Variants in LOC128071544 observed in about 807,000 individuals in gnomAD.
the LOC128071544 span, chr1:147,611,782 A>G: frequency 6.4e-7 from 1 of 1,574,734 alleles, no homozygotes; most frequent in Non-Finnish European, 8.7e-7. Flanking sequence ...CTGCAACCCG[A>G]GAGGAACTCG....
chr1:147,611,745 T>C, the LOC128071544 span: 1 of 1,287,818 alleles, frequency 7.8e-7, no homozygotes, highest in Non-Finnish European at 1.1e-6. Context: ...AGTGGGCCAG[T>C]GCCACTGCCC....
At chr1:147,611,721 C>T in the LOC128071544 span, 19 of 969,316 alleles carry the variant, frequency 2.0e-5, no homozygotes, top group African/African-American at 6.4e-5. Context: ...CGCTAAGGGA[C>T]GCACCCAGCA....
chr1:147,611,617 G>A, the LOC128071544 span: 3 of 566,298 alleles, frequency 5.3e-6, no homozygotes, highest in East Asian at 2.8e-5. Context: ...GGCAGCAGGA[G>A]GCACGCACCC....
the LOC128071544 span, chr1:147,611,792 G>C: frequency 3.1e-6 from 5 of 1,596,058 alleles, no homozygotes; most frequent in Non-Finnish European, 4.3e-6. Context: ...AGAGGAACTC[G>C]GTGAGCCTGT....
chr1:147,611,711 C>T, the LOC128071544 span: 12 of 850,716 alleles, frequency 1.4e-5, no homozygotes, highest in East Asian at 9.8e-5. Flanking sequence ...AGGCAGCGAG[C>T]GCTAAGGGAC....
At chr1:147,611,748 C>A in the LOC128071544 span, 2 of 1,333,266 alleles carry the variant, frequency 1.5e-6, no homozygotes, top group African/African-American at 1.4e-5. Context: ...GGGCCAGTGC[C>A]ACTGCCCCCA....
chr1:147,611,636 C>G, the LOC128071544 span: 1 of 581,826 alleles, frequency 1.7e-6, no homozygotes. Context: ...CCAGAGAATG[C>G]TGGAGCTGCA....
the LOC128071544 span, chr1:147,611,696 C>T: frequency 2.8e-6 from 2 of 715,756 alleles, no homozygotes; most frequent in African/African-American, 1.8e-5. Flanking sequence ...AGGAAAAAGG[C>T]ATACAGGCAG....
chr1:147,611,598 T>G, the LOC128071544 span: 1 of 546,456 alleles, frequency 1.8e-6, no homozygotes, highest in African/African-American at 1.9e-5. Flanking sequence ...AGATGCGAGA[T>G]TTTCCTCTGG....
the LOC128071544 span, chr1:147,611,780 C>T: frequency 8.2e-5 from 129 of 1,568,694 alleles, no homozygotes; most frequent in Admixed American, 1.2e-4. Flanking sequence ...TGCTGCAACC[C>T]GAGAGGAACT....
the LOC128071544 span, chr1:147,611,650 G>T: frequency 1.7e-6 from 1 of 597,292 alleles, no homozygotes. Context: ...AGCTGCAAGG[G>T]GAAAGGACCC....
the LOC128071544 span, chr1:147,611,680 A>G: frequency 4.4e-5 from 29 of 651,762 alleles, no homozygotes; most frequent in South Asian, 5.7e-4. Flanking sequence ...GCAGAGAAAA[A>G]CAAAGAGGAA....
chr1:147,611,681 CA>C, the LOC128071544 span: 3 of 654,160 alleles, frequency 4.6e-6, no homozygotes, highest in Non-Finnish European at 8.2e-6. Context: ...CAGAGAAAAA[CA>C]AAGAGGAAAA....
chr1:147,611,795 G>A, the LOC128071544 span: 1 of 1,601,230 alleles, frequency 6.2e-7, no homozygotes, highest in Non-Finnish European at 8.6e-7. Flanking sequence ...GGAACTCGGT[G>A]AGCCTGTCCC....
At chr1:147,611,740 G>A in the LOC128071544 span, 1 of 1,204,022 alleles carries the variant, frequency 8.3e-7, no homozygotes, top group South Asian at 1.2e-5. Flanking sequence ...CAAGCAGTGG[G>A]CCAGTGCCAC....
the LOC128071544 span, chr1:147,611,781 G>C: frequency 3.8e-6 from 6 of 1,573,334 alleles, no homozygotes; most frequent in East Asian, 6.7e-5. Flanking sequence ...GCTGCAACCC[G>C]AGAGGAACTC....
the LOC128071544 span, chr1:147,611,778 C>G: frequency 3.8e-6 from 6 of 1,561,268 alleles, no homozygotes; most frequent in South Asian, 6.7e-5. Flanking sequence ...TCTGCTGCAA[C>G]CCGAGAGGAA....
the LOC128071544 span, chr1:147,611,687 G>T: frequency 1.5e-6 from 1 of 675,740 alleles, no homozygotes; most frequent in Non-Finnish European, 2.6e-6. Context: ...AAAACAAAGA[G>T]GAAAAAGGCA....
chr1:147,611,722 G>A, the LOC128071544 span: 281 of 975,950 alleles, frequency 2.9e-4, 1 homozygote, highest in Admixed American at 3.1e-4. Context: ...GCTAAGGGAC[G>A]CACCCAGCAA....
Sources: gnomAD v4.1 joint callset for allele counts on GRCh38, gnomAD v4.1.1 for gene constraint, MANE v1.5 for transcripts.